EEFSEC: variants seen among roughly 807,000 people sequenced by gnomAD.
The protein encoded by EEFSEC is selenocysteine-specific elongation factor.
Under a neutral mutation model 42.1 loss-of-function variants are expected in EEFSEC, and 43 were observed. The observed-to-expected ratio is 1.02, with a 90% CI of 0.80 to 1.32. The LOEUF is 1.32. Ranked by LOEUF, EEFSEC falls within the 40% of genes most tolerant of loss-of-function variation. The pLI is 0.00. For synonymous variants in EEFSEC, 354 were observed against 339.1 expected (o/e 1.04, Z -0.48); for missense variants, 745 against 803.6 (o/e 0.93, Z 0.88).
Position 128,253,939 on chromosome 3 carries a change from C to T in EEFSEC, c.524+6896C>T, listed in dbSNP as rs112212776. ...TTGCTCTTTAGGGAACTTCAGCTTC[C>T]TCAGAGTTACGTCTCTTGTCTTTAA... On this transcript the variant is annotated intron_variant, in intron 2 of 6. Transcript: ENST00000254730. Among the ~76,000 whole-genome samples, 700 of 152,276 alleles carry T rather than the reference C, an allele frequency of 4.6e-3. 4 individuals are homozygous for T. The highest frequency in any genetic ancestry group is 0.015 in the African/African-American group (615 of 41,562).
chr3:128,234,907 A>G (rs1330508590), intron 1 of EEFSEC, among the ~76,000 whole-genome samples: 1 of 152,232 alleles, frequency 6.6e-6, no homozygotes, highest in African/African-American at 2.4e-5. Flanking sequence ...TTCTCTTAAC[A>G]TTGTAAGCTC....
At chr3:128,296,221 AAAACG>A (rs2066704713) in intron 4 of EEFSEC, among the ~76,000 whole-genome samples, 2 of 152,194 alleles carry the variant, frequency 1.3e-5, no homozygotes, top group Admixed American at 6.5e-5. Flanking sequence ...CTTCTCTTGG[AAAACG>A]TAATCCACGT....
At chr3:128,343,588 T>A (rs2067279913) in intron 5 of EEFSEC, among the ~76,000 whole-genome samples, 1 of 152,222 alleles carries the variant, frequency 6.6e-6, no homozygotes. Flanking sequence ...GTTTGGAGTA[T>A]AATTATTCTA....
chr3:128,241,201 C>CTTTTTTTTTTTTTTTTTTTTTTTTTTTT (rs373420882), intron 1 of EEFSEC, among the ~76,000 whole-genome samples: 1 of 80,658 alleles, frequency 1.2e-5, no homozygotes, highest in Non-Finnish European at 2.2e-5. Context: ...CTCTCTCTCT[C>CTTTTTTTTTTTTTTTTTTTTTTTTTTTT]TTTTTTTTTT....
At chr3:128,422,536 C>T in the EEFSEC span, among the ~76,000 whole-genome samples, 1 of 151,938 alleles carries the variant, frequency 6.6e-6, no homozygotes, top group South Asian at 2.1e-4. Flanking sequence ...CACGCCTCAA[C>T]ACAGGGGCCA....
At chr3:128,339,482 A>G (rs2067226682) in intron 4 of EEFSEC, among the ~76,000 whole-genome samples, 2 of 152,224 alleles carry the variant, frequency 1.3e-5, no homozygotes, top group African/African-American at 2.4e-5. Flanking sequence ...GTTTCCTCTC[A>G]TCTCAGAGAC....
downstream of EEFSEC, among the ~76,000 whole-genome samples, chr3:128,411,246 G>A (rs2068172122): frequency 1.3e-5 from 2 of 152,226 alleles, no homozygotes; most frequent in Admixed American, 6.5e-5. Context: ...AGGATGCCTT[G>A]GGCAACCCCA....
intron 4 of EEFSEC, among the ~76,000 whole-genome samples, chr3:128,268,743 C>T (rs1463189978): frequency 2.0e-5 from 3 of 152,126 alleles, no homozygotes; most frequent in Non-Finnish European, 2.9e-5. Context: ...CCATGGTTGC[C>T]GGAAGCCCCC....
intron 6 of EEFSEC, among the ~76,000 whole-genome samples, chr3:128,386,890 C>A (rs1320014597): frequency 6.6e-6 from 1 of 152,222 alleles, no homozygotes; most frequent in Admixed American, 6.5e-5. Context: ...AACACCTCCC[C>A]CGAGGCCCAC....
intron 1 of EEFSEC, among the ~76,000 whole-genome samples, chr3:128,223,907 C>G (rs1267056084): frequency 6.6e-6 from 1 of 152,050 alleles, no homozygotes; most frequent in Non-Finnish European, 1.5e-5. Context: ...TTGAAAACCT[C>G]ATTGTTTAAA....
intron 1 of EEFSEC, among the ~76,000 whole-genome samples, chr3:128,200,717 A>G (rs1232461951): frequency 2.0e-5 from 3 of 152,230 alleles, no homozygotes; most frequent in African/African-American, 4.8e-5. Context: ...GGCAAAAATG[A>G]ATTGGATGCA....
At chr3:128,276,997 G>C (rs2066475366) in intron 4 of EEFSEC, among the ~76,000 whole-genome samples, 2 of 152,202 alleles carry the variant, frequency 1.3e-5, no homozygotes, top group Admixed American at 1.3e-4. Flanking sequence ...GGGGAGCCTG[G>C]CCTCCCAACC....
chr3:128,336,426 C>T (rs1411158134), intron 4 of EEFSEC, among the ~76,000 whole-genome samples: 1 of 152,204 alleles, frequency 6.6e-6, no homozygotes, highest in African/African-American at 2.4e-5. Flanking sequence ...CTGGCAGTGT[C>T]ATTCCTCTGC....
intron 1 of EEFSEC, among the ~76,000 whole-genome samples, chr3:128,191,004 A>G (rs1015449440): frequency 6.6e-6 from 1 of 152,028 alleles, no homozygotes; most frequent in Non-Finnish European, 1.5e-5. Flanking sequence ...CCTAGGAGCA[A>G]TAGGCTATTT....
chr3:128,246,240 A>G (rs994984493), intron 1 of EEFSEC, among the ~76,000 whole-genome samples: 6 of 151,940 alleles, frequency 3.9e-5, no homozygotes, highest in African/African-American at 1.5e-4. Context: ...GCACACACAC[A>G]CACACACACA....
At chr3:128,385,099 C>T (rs1332864808) in intron 6 of EEFSEC, among the ~76,000 whole-genome samples, 5 of 152,222 alleles carry the variant, frequency 3.3e-5, no homozygotes, top group Non-Finnish European at 7.3e-5. Flanking sequence ...CTGCCAGGCA[C>T]CTTGTCCTAG....
At chr3:128,202,936 T>G (rs1004560991) in intron 1 of EEFSEC, among the ~76,000 whole-genome samples, 1 of 152,212 alleles carries the variant, frequency 6.6e-6, no homozygotes. Flanking sequence ...CTTCATTCCG[T>G]TAGTGTGGGG....
chr3:128,202,798 C>T (rs1559866742), intron 1 of EEFSEC, among the ~76,000 whole-genome samples: 2 of 152,302 alleles, frequency 1.3e-5, no homozygotes, highest in Middle Eastern at 3.4e-3. Flanking sequence ...TTTTTCCATA[C>T]ACATCCTTTA....
chr3:128,414,733 A>C, the EEFSEC span, among the ~76,000 whole-genome samples: 1 of 152,202 alleles, frequency 6.6e-6, no homozygotes, highest in Non-Finnish European at 1.5e-5. Context: ...CATCATCAGC[A>C]TCACCAGCGA....
Sources: allele counts gnomAD v4.1 joint callset (sites outside exome capture counted in the v4.1 genomes callset), GRCh38; gene constraint gnomAD v4.1.1; transcripts MANE v1.5; gene names NCBI Gene and HGNC (gene_info 2026-07-23, HGNC 2026-07-21).